Variants in CARNMT1 observed in about 807,000 individuals in gnomAD.
CARNMT1 encodes the protein carnosine N-methyltransferase 1.
In CARNMT1, 28 loss-of-function variants were observed where a neutral mutation model predicts 49.6. The observed-to-expected ratio is 0.56, with a 90% CI of 0.42 to 0.77. The LOEUF (loss-of-function observed/expected upper bound fraction) is 0.77, where lower values mean the gene tolerates loss of function less well. Ranked by LOEUF, CARNMT1 falls within the 30% of genes least tolerant of loss-of-function variation. The pLI, the probability that CARNMT1 is intolerant of heterozygous loss-of-function variation, is 0.00. For synonymous variants in CARNMT1, 178 were observed against 175.0 expected (o/e 1.02, Z -0.13); for missense variants, 421 against 512.6 (o/e 0.82, Z 1.73).
At position 75,023,091 on chromosome 9, in the gene CARNMT1, G is replaced by A. The variant is rs1822421797; in HGVS notation, c.230+4921C>T. On this transcript the variant is annotated intron_variant, in intron 1 of 7. Transcript: ENST00000376834. ...TGGGAGGCAGAGGTTGCAGTGAGTT[G>A]AGATTGTGCCACTGCACTCCAGCCT... 2.0e-5 allele frequency among the ~76,000 whole-genome samples: 3 copies of A among 147,934 alleles called. No individual in the cohort carries two copies. In the Admixed American group the frequency reaches 2.0e-4, roughly 10 times the overall value.
At chr9:75,027,462 C>T (rs1822564499) in intron 1 of CARNMT1, 1 of 985,324 alleles carries the variant, frequency 1.0e-6, no homozygotes, top group African/African-American at 1.7e-5. Flanking sequence ...CAGCATCATT[C>T]AATCGCTCAC....
intron 6 of CARNMT1, among the ~76,000 whole-genome samples, chr9:74,985,494 T>G (rs1378055693): frequency 1.3e-5 from 2 of 152,182 alleles, no homozygotes; most frequent in African/African-American, 4.8e-5. Context: ...TTTTATTTTT[T>G]TAAGTGCACT....
intron 2 of CARNMT1, chr9:75,016,700 CT>C (rs1260809157): frequency 2.8e-6 from 1 of 360,216 alleles, no homozygotes; most frequent in African/African-American, 2.1e-5. Flanking sequence ...AACTGAGCTG[CT>C]ATGGAGACCG....
chr9:75,003,867 T>C (rs765855068), intron 3 of CARNMT1, among the ~76,000 whole-genome samples: 3 of 152,238 alleles, frequency 2.0e-5, no homozygotes, highest in Non-Finnish European at 4.4e-5. Flanking sequence ...CATTTGTTTT[T>C]TGTTTTGTTT....
chr9:75,026,345 T>C (rs1017352919), intron 1 of CARNMT1, among the ~76,000 whole-genome samples: 1 of 152,208 alleles, frequency 6.6e-6, no homozygotes, highest in Non-Finnish European at 1.5e-5. Context: ...AAATTGGTCC[T>C]AATATATTAA....
At chr9:74,993,128 T>C (rs140862550) in intron 6 of CARNMT1, among the ~76,000 whole-genome samples, 1 of 152,308 alleles carries the variant, frequency 6.6e-6, no homozygotes, top group Non-Finnish European at 1.5e-5. Flanking sequence ...TAGGAAGCAT[T>C]AGATCTTTGC....
chr9:75,027,914 C>T, intron 1 of CARNMT1, 98 bp downstream of exon 1: 1 of 1,321,844 alleles, frequency 7.6e-7, no homozygotes, highest in Non-Finnish European at 9.9e-7. Flanking sequence ...GCCTCGGAGG[C>T]GTGGCGGCGG....
At chr9:74,994,705 A>C (rs975834302) in intron 6 of CARNMT1, among the ~76,000 whole-genome samples, 1 of 152,198 alleles carries the variant, frequency 6.6e-6, no homozygotes, top group Non-Finnish European at 1.5e-5. Context: ...TTTAAAAGAA[A>C]GCTGATTCTG....
chr9:75,009,038 C>T (rs534480807), intron 3 of CARNMT1, among the ~76,000 whole-genome samples: 21 of 149,648 alleles, frequency 1.4e-4, no homozygotes, highest in Non-Finnish European at 2.5e-4. Context: ...CTACCAAGAC[C>T]ATTCAATCGG....
intron 1 of CARNMT1, among the ~76,000 whole-genome samples, chr9:75,023,033 T>C (rs182368279): frequency 1.9e-3 from 284 of 151,834 alleles, no homozygotes; most frequent in Non-Finnish European, 3.4e-3. Flanking sequence ...TCCCAGCTAC[T>C]TGGGAGGCTG....
At chr9:75,009,990 G>C (rs12002598) in intron 3 of CARNMT1, 1 of 151,846 alleles carries the variant, frequency 6.6e-6, no homozygotes, top group Non-Finnish European at 1.5e-5. Flanking sequence ...TAGGGAATTT[G>C]GGTACAGACA....
chr9:75,000,566 A>G (rs2769070), intron 3 of CARNMT1, among the ~76,000 whole-genome samples: 6,723 of 152,220 alleles, frequency 0.044, 218 homozygotes, highest in South Asian at 0.07. Context: ...TCAAACCACT[A>G]AAAGTTTTAC....
chr9:75,026,966 T>TA (rs1477373265), intron 1 of CARNMT1: 4 of 716,296 alleles, frequency 5.6e-6, no homozygotes, highest in Non-Finnish European at 8.5e-6. Context: ...AAGAGATTTA[T>TA]AAAAACAACT....
At chr9:75,017,145 A>T in intron 2 of CARNMT1, 108 bp downstream of exon 2, 1 of 789,512 alleles carries the variant, frequency 1.3e-6, no homozygotes, top group Admixed American at 2.8e-5. Flanking sequence ...TTCTGAGTAG[A>T]GCAAATAGCC....
At chr9:75,010,872 GA>G (rs1833671858) in intron 3 of CARNMT1, among the ~76,000 whole-genome samples, 1 of 150,560 alleles carries the variant, frequency 6.6e-6, no homozygotes, top group South Asian at 2.1e-4. Context: ...CTGGGTTGAT[GA>G]AATGTTTTGG....
intron 6 of CARNMT1, among the ~76,000 whole-genome samples, chr9:74,989,844 A>T (rs1433498808): frequency 1.3e-5 from 2 of 152,236 alleles, no homozygotes; most frequent in Non-Finnish European, 2.9e-5. Flanking sequence ...AGCAAGAGAA[A>T]GCAGAAAATG....
intron 3 of CARNMT1, among the ~76,000 whole-genome samples, chr9:75,009,089 G>A: frequency 7.4e-6 from 1 of 135,120 alleles, no homozygotes; most frequent in Admixed American, 7.6e-5. Context: ...TTTAACAAAT[G>A]TATTGGGAAA....
At chr9:75,024,504 T>G (rs1416358458) in intron 1 of CARNMT1, among the ~76,000 whole-genome samples, 2 of 152,306 alleles carry the variant, frequency 1.3e-5, no homozygotes, top group East Asian at 3.9e-4. Context: ...CTCTAGTGTT[T>G]TCTATGTGCT....
chr9:75,003,580 C>T (rs546616466), intron 3 of CARNMT1, among the ~76,000 whole-genome samples: 5 of 152,236 alleles, frequency 3.3e-5, no homozygotes, highest in Admixed American at 1.3e-4. Context: ...TAATACAATA[C>T]CCCTGAATCT....
Sources: gnomAD v4.1 joint callset for allele counts (sites outside exome capture counted in the v4.1 genomes callset) on GRCh38, gnomAD v4.1.1 for gene constraint, MANE v1.5 for transcripts, NCBI Gene and HGNC (gene_info 2026-07-23, HGNC 2026-07-21) for gene names.